The following DAB1 variants were observed in gnomAD, a reference collection of about 807,000 sequenced individuals.
DAB1 encodes the protein DAB adaptor protein 1.
Under a neutral mutation model 64.6 loss-of-function variants are expected in DAB1, and 15 were observed. That is an observed-to-expected ratio of 0.23 (90% CI 0.16 to 0.36). The LOEUF (loss-of-function observed/expected upper bound fraction) is 0.36, where lower values mean the gene tolerates loss of function less well. DAB1 is among the 10% of genes least tolerant of loss of function. The pLI is 1.00. For synonymous variants in DAB1, 235 were observed against 251.9 expected (o/e 0.93, Z 0.64); for missense variants, 596 against 706.7 (o/e 0.84, Z 1.78).
intron 9 of DAB1, among the ~76,000 whole-genome samples, chr1:57,058,397 T>A (rs189092598): frequency 8.8e-4 from 134 of 152,342 alleles, no homozygotes; most frequent in Admixed American, 2.2e-3. Context: ...TCTATAGGCA[T>A]TCATTTGTTC....
At chr1:57,225,754 C>T (rs1210199334) in intron 2 of DAB1, among the ~76,000 whole-genome samples, 2 of 152,278 alleles carry the variant, frequency 1.3e-5, no homozygotes, top group Admixed American at 6.5e-5. Context: ...TAAATCAACC[C>T]TCTATGAAAA....
At chr1:58,065,134 A>G (rs1168678386) in intron 5 of DAB1, among the ~76,000 whole-genome samples, 1 of 152,190 alleles carries the variant, frequency 6.6e-6, no homozygotes, top group Non-Finnish European at 1.5e-5. Context: ...TTAACTGCTA[A>G]AATTTATTGA....
intron 5 of DAB1, among the ~76,000 whole-genome samples, chr1:57,953,800 C>T (rs74971265): frequency 1.3e-5 from 2 of 152,236 alleles, no homozygotes; most frequent in Non-Finnish European, 2.9e-5. Context: ...TTGGCAGTGG[C>T]TGGGTTCCTG....
At chr1:57,498,655 G>A (rs543019215) in intron 7 of DAB1, among the ~76,000 whole-genome samples, 5 of 152,312 alleles carry the variant, frequency 3.3e-5, no homozygotes, top group African/African-American at 1.2e-4. Flanking sequence ...CAGAAGCCAG[G>A]TTAGGGCAGA....
chr1:58,254,180 G>A (rs907547375), intron 4 of DAB1, among the ~76,000 whole-genome samples: 4 of 152,194 alleles, frequency 2.6e-5, no homozygotes, highest in African/African-American at 9.6e-5. Flanking sequence ...ACGTATATTA[G>A]TATAAAGACA....
At chr1:57,336,849 G>A (rs1677119030) in intron 1 of DAB1, among the ~76,000 whole-genome samples, 1 of 152,086 alleles carries the variant, frequency 6.6e-6, no homozygotes, top group African/African-American at 2.4e-5. Context: ...TACAGATAAG[G>A]AAATAGACTC....
At chr1:58,281,669 A>G (rs1001628138) in intron 4 of DAB1, among the ~76,000 whole-genome samples, 3 of 152,176 alleles carry the variant, frequency 2.0e-5, no homozygotes, top group Non-Finnish European at 4.4e-5. Context: ...ATGAATGGCA[A>G]GTCCTCATTT....
At chr1:58,003,334 C>T (rs1399606090) in intron 5 of DAB1, among the ~76,000 whole-genome samples, 1 of 152,128 alleles carries the variant, frequency 6.6e-6, no homozygotes, top group Non-Finnish European at 1.5e-5. Context: ...TCTTTACTGA[C>T]ATGTTTTAAA....
intron 4 of DAB1, among the ~76,000 whole-genome samples, chr1:58,288,046 GA>G (rs1251305784): frequency 3.6e-4 from 40 of 111,872 alleles, no homozygotes; most frequent in African/African-American, 9.7e-4. Flanking sequence ...AAAAAAAAAA[GA>G]AAAAAAAGAG....
rs763996304 is a variant in DAB1, at chr1:58,187,875, GT to G, written n.310-37288del. ...ATTACAGGTGTGAGCCACCTGGCCT[GT>G]TTTTTTTTTTTTCTTTGACCTGTGA... On this transcript the variant is annotated intron_variant and non_coding_transcript_variant, in intron 4 of 20. Transcript: ENST00000485760. Among the ~76,000 whole-genome samples, 288 of 111,278 alleles carry G rather than the reference GT, an allele frequency of 2.6e-3. 1 individual carries two copies. The highest frequency in any genetic ancestry group is 0.019 in the Middle Eastern group (2 of 106). 73.0% of individuals were successfully genotyped at this position (111,278 alleles called of 152,430 possible).
rs1397705628 is a variant in DAB1 at position 57,913,638 on chromosome 1, A to C, written n.388-29476T>G. Among the ~76,000 whole-genome samples the C allele has an allele frequency of 2.0e-5, 3 of 152,330 alleles. No individual in the cohort carries two copies. The East Asian group carries it at 5.8e-4, about 29-fold the overall frequency. On this transcript the variant is annotated intron_variant and non_coding_transcript_variant, in intron 5 of 20. Coordinates refer to the DAB1 transcript ENST00000485760. ...GAGCTTCTGCACAGCAAAAGAAACT[A>C]CCATCAGAGTGAACAGGCAACCTAC...
At chr1:58,445,308 T>C (rs969369410) in intron 3 of DAB1, among the ~76,000 whole-genome samples, 1 of 152,210 alleles carries the variant, frequency 6.6e-6, no homozygotes, top group Non-Finnish European at 1.5e-5. Context: ...AAGTTCCCAA[T>C]AATTGGATGA....
intron 2 of DAB1, chr1:58,506,271 C>G (rs1408034704): frequency 1.3e-6 from 1 of 759,800 alleles, no homozygotes; most frequent in Non-Finnish European, 2.2e-6. Flanking sequence ...TTAAAAACTA[C>G]TACTTTATTT....
At chr1:58,195,944 A>AT (rs1657653330) in intron 4 of DAB1, among the ~76,000 whole-genome samples, 1 of 152,214 alleles carries the variant, frequency 6.6e-6, no homozygotes, top group South Asian at 2.1e-4. Context: ...TGAAGTTGAG[A>AT]TTTTAATCAA....
At chr1:57,107,091 C>T (rs899991295) in intron 4 of DAB1, among the ~76,000 whole-genome samples, 4 of 152,006 alleles carry the variant, frequency 2.6e-5, no homozygotes, top group Admixed American at 2.6e-4. Context: ...AAAATCAACC[C>T]AGGCCAGGCA....
At chr1:57,779,793 A>G (rs1045708092) in intron 6 of DAB1, among the ~76,000 whole-genome samples, 1 of 152,108 alleles carries the variant, frequency 6.6e-6, no homozygotes, top group Non-Finnish European at 1.5e-5. Flanking sequence ...CTGAAAACTG[A>G]TGCTAAGTCT....
At chr1:58,151,588 G>GA (rs1281876953) in intron 4 of DAB1, among the ~76,000 whole-genome samples, 1 of 152,158 alleles carries the variant, frequency 6.6e-6, no homozygotes, top group Non-Finnish European at 1.5e-5. Context: ...ACAAGAAAAT[G>GA]AAATTGCATA....
intron 4 of DAB1, among the ~76,000 whole-genome samples, chr1:58,190,249 T>C (rs1339723011): frequency 6.6e-6 from 1 of 152,196 alleles, no homozygotes; most frequent in Admixed American, 6.5e-5. Context: ...AATCCTGCTG[T>C]TCTCACATTG....
chr1:57,396,211 G>T (rs112966704), intron 1 of DAB1, among the ~76,000 whole-genome samples: 7 of 152,164 alleles, frequency 4.6e-5, no homozygotes, highest in African/African-American at 1.7e-4. Context: ...CACATAAAAG[G>T]TTTGAACACT....
Sources: gnomAD v4.1 joint callset for allele counts (sites outside exome capture counted in the v4.1 genomes callset) on GRCh38, gnomAD v4.1.1 for gene constraint, MANE v1.5 for transcripts, NCBI Gene and HGNC (gene_info 2026-07-23, HGNC 2026-07-21) for gene names.